The following C4BPA variants were observed in gnomAD, a reference collection of about 807,000 sequenced individuals.
The protein encoded by C4BPA is complement component 4 binding protein alpha, also known as C4b-binding protein alpha chain.
Under a neutral mutation model 63.7 loss-of-function variants are expected in C4BPA, and 31 were observed. The observed-to-expected ratio is 0.49, with a 90% CI of 0.37 to 0.66. The LOEUF is 0.66. C4BPA is among the 30% of genes least tolerant of loss of function. The pLI, the probability that C4BPA is intolerant of heterozygous loss-of-function variation, is 0.00. For missense variants in C4BPA, 572 were observed against 723.3 expected, an observed-to-expected ratio of 0.79 and a Z score of 2.40; for synonymous variants, 259 against 254.7, an observed-to-expected ratio of 1.02 and a Z score of -0.16.
chr1:207,106,838 TTTCTC>T (rs1684572337), intron 1 of C4BPA, among the ~76,000 whole-genome samples: 1 of 152,218 alleles, frequency 6.6e-6, no homozygotes, highest in African/African-American at 2.4e-5. Context: ...GAGGAACTCT[TTTCTC>T]TTCCTCTGCA....
intron 4 of C4BPA, among the ~76,000 whole-genome samples, chr1:207,122,372 A>G (rs982848745): frequency 2.0e-5 from 3 of 152,220 alleles, no homozygotes; most frequent in African/African-American, 7.2e-5. Context: ...TTTGCTAGTG[A>G]ATACTACTGA....
chr1:207,127,787 G>C (rs931382590), intron 7 of C4BPA, among the ~76,000 whole-genome samples: 29 of 152,332 alleles, frequency 1.9e-4, no homozygotes, highest in Non-Finnish European at 1.2e-4. Context: ...AACAGTGGGA[G>C]GACATTGCAT....
At chr1:207,116,484 AC>A (rs1376195268) in intron 4 of C4BPA, among the ~76,000 whole-genome samples, 1 of 134,242 alleles carries the variant, frequency 7.4e-6, no homozygotes, top group Non-Finnish European at 1.6e-5. Flanking sequence ...ATATACTGTA[AC>A]TTTTCCCACA....
intron 9 of C4BPA, among the ~76,000 whole-genome samples, chr1:207,139,601 A>G (rs1490127092): frequency 6.6e-6 from 1 of 152,202 alleles, no homozygotes; most frequent in Non-Finnish European, 1.5e-5. Context: ...TTCTGACTAT[A>G]CGTTCAAGGA....
Position 207,144,874 on chromosome 1 carries a change from G to A in C4BPA, c.*157G>A. On this transcript the variant is annotated 3_prime_UTR_variant, in exon 12 of 12. Coordinates refer to ENST00000367070, the MANE Select transcript of C4BPA (RefSeq NM_000715.4). ...TGCTAAAGTTTAGTGCTTTGAGATTGTGAAATTATTAATCATCCTCTGTGT... is the reference window on the plus strand; with the variant it reads ...TGCTAAAGTTTAGTGCTTTGAGATTATGAAATTATTAATCATCCTCTGTGT... 1 of 434,182 alleles carries A rather than the reference G, an allele frequency of 2.3e-6. No homozygotes were observed. The allele number at this position is 434,182 out of a possible 1,614,324, so 26.9% of individuals were successfully genotyped here. A position where few individuals can be genotyped will look rare whatever the true frequency, so the allele number is the denominator to read the frequency against.
intron 4 of C4BPA, among the ~76,000 whole-genome samples, chr1:207,121,394 A>G (rs1684919874): frequency 6.6e-6 from 1 of 152,124 alleles, no homozygotes; most frequent in Non-Finnish European, 1.5e-5. Context: ...GTCATTTAAT[A>G]ATCTTGGTTC....
rs1320935679 is a variant in C4BPA at position 207,143,885 on chromosome 1, T to G, written c.1512T>G (p.Pro504=). ...LSVDKDQYVE[P]ENVTIQCDSG... The stretch of plus-strand genomic sequence containing the variant: ...TGGATAAGGATCAGTATGTTGAGCC[T>G]GAAAATGTCACCATCCAATGTGATT... Residue 504 remains proline (P), a synonymous_variant, in exon 11 of 12, where the codon CCT becomes CCG. Transcript: ENST00000367070. The G allele has an allele frequency of 6.2e-7, 1 of 1,613,110 alleles. No homozygotes were observed. Among genetic ancestry groups the G allele is most frequent in the Admixed American group, 1.7e-5 (1 of 59,962 alleles).
intron 7 of C4BPA, among the ~76,000 whole-genome samples, chr1:207,128,613 A>C (rs1486400564): frequency 6.6e-6 from 1 of 152,246 alleles, no homozygotes; most frequent in East Asian, 1.9e-4. Context: ...TCAATGAGAA[A>C]GAGACAGTCA....
chr1:207,124,523 A>G (rs1446963790), intron 6 of C4BPA, among the ~76,000 whole-genome samples, 157 bp downstream of exon 6: 1 of 152,304 alleles, frequency 6.6e-6, no homozygotes, highest in African/African-American at 2.4e-5. Context: ...TACTTATTGC[A>G]TGTTTGTTTA....
chr1:207,114,897 T>C (rs1684750477), intron 3 of C4BPA: 1 of 153,262 alleles, frequency 6.5e-6, no homozygotes, highest in Admixed American at 6.5e-5. Flanking sequence ...TTTTAAAAAA[T>C]TATAAAAAAG....
chr1:207,121,382 G>A lies in C4BPA; in HGVS notation c.429-2540G>A, dbSNP rs4417065. On this transcript the variant is annotated intron_variant, in intron 4 of 11. Coordinates refer to ENST00000367070, the MANE Select transcript of C4BPA (RefSeq NM_000715.4). ...CTTTAACATATAAAGTACCCATTGT[G>A]TGTCATTTAATAATCTTGGTTCTGA... Among the ~76,000 whole-genome samples the A allele has an allele frequency of 9.5e-3, 1,443 of 152,078 alleles. 25 individuals carry two copies. Among genetic ancestry groups the A allele is most frequent in the African/African-American group, 0.033 (1,360 of 41,514 alleles).
In C4BPA at chr1:207,134,434, A is replaced by T; in HGVS notation, c.1115A>T (p.Asn372Ile). ...ALCCPEPKLN[N>I]GEITQHRKSR... ...TGTTGCCCTGAACCAAAGCTAAATA[A>T]TGGTGAAATCACTCAACACAGGAAA... The change falls in exon 9 of 12, where the codon AAT (asparagine) becomes ATT (isoleucine). Residue 372 changes from asparagine (N) to isoleucine (I), a missense_variant. Coordinates refer to ENST00000367070, the MANE Select transcript of C4BPA (RefSeq NM_000715.4). 1 of 1,613,794 alleles carries T rather than the reference A, an allele frequency of 6.2e-7. No individual in the cohort carries two copies. Among genetic ancestry groups the T allele is most frequent in the Non-Finnish European group, 8.5e-7 (1 of 1,179,804 alleles).
chr1:207,110,407 T>C (rs1242222471), intron 1 of C4BPA, among the ~76,000 whole-genome samples: 1 of 152,174 alleles, frequency 6.6e-6, no homozygotes, highest in Non-Finnish European at 1.5e-5. Flanking sequence ...GCCAATTGAG[T>C]GAATGCCAGT....
At chr1:207,106,730 T>C (rs1048331536) in intron 1 of C4BPA, among the ~76,000 whole-genome samples, 1 of 152,174 alleles carries the variant, frequency 6.6e-6, no homozygotes, top group Admixed American at 6.5e-5. Context: ...CGTGAGCCAC[T>C]GCACCCGGCC....
At chr1:207,118,379 T>C (rs974200094) in intron 4 of C4BPA, among the ~76,000 whole-genome samples, 1 of 151,952 alleles carries the variant, frequency 6.6e-6, no homozygotes, top group Non-Finnish European at 1.5e-5. Context: ...AGAAAAGAGG[T>C]TTAATTTACT....
intron 9 of C4BPA, among the ~76,000 whole-genome samples, chr1:207,138,543 TGTTGACATTTA>T (rs1558097517): frequency 6.6e-6 from 1 of 152,228 alleles, no homozygotes; most frequent in African/African-American, 2.4e-5. Flanking sequence ...GTAACTGTCC[TGTTGACATTTA>T]CATCTTTTCC....
At position 207,144,715 on chromosome 1, in the gene C4BPA, T is replaced by C; in HGVS notation, c.1792T>C (p.Ter598GlnextTer40). Residue 598 changes from the stop codon to glutamine (Q), a stop_lost, in exon 12 of 12, where the codon TAA becomes CAA. Coordinates refer to ENST00000367070, the MANE Select transcript of C4BPA (RefSeq NM_000715.4). ...ACAATCCACTTTGGATAAAGAACTA[T>C]AATTTTTCTCAAAAGAAGGAGGAAA... ...ARQSTLDKEL[*>Q] The C allele has an allele frequency of 6.3e-7, 1 of 1,596,346 alleles. No homozygotes were observed. The highest frequency in any genetic ancestry group is 8.5e-7 in the Non-Finnish European group (1 of 1,170,852).
intron 4 of C4BPA, among the ~76,000 whole-genome samples, chr1:207,118,194 A>ATCTGTCTG (rs758247883): frequency 6.9e-6 from 1 of 144,188 alleles, no homozygotes; most frequent in Non-Finnish European, 1.5e-5. Flanking sequence ...TCTATCTATC[A>ATCTGTCTG]TCTATCTATC....
chr1:207,135,315 G>A (rs1290147447), intron 9 of C4BPA, among the ~76,000 whole-genome samples: 1 of 152,006 alleles, frequency 6.6e-6, no homozygotes, highest in Non-Finnish European at 1.5e-5. Context: ...TCCAGCCTGG[G>A]CTACAGAGCG....
Sources: gnomAD v4.1 joint callset for allele counts (sites outside exome capture counted in the v4.1 genomes callset) on GRCh38, gnomAD v4.1.1 for gene constraint, MANE v1.5 for transcripts, NCBI Gene and HGNC (gene_info 2026-07-23, HGNC 2026-07-21) for gene names.